Variants in RBFOX1 observed in about 807,000 individuals in gnomAD.
RBFOX1 encodes the protein RNA binding protein fox-1 homolog 1.
A neutral mutation model predicts 57.7 loss-of-function variants in RBFOX1; 8 were observed. The ratio of observed to expected loss-of-function variants is 0.14; its 90% CI spans 0.08 to 0.25. The LOEUF (loss-of-function observed/expected upper bound fraction) is 0.25. Ranked by LOEUF, RBFOX1 falls within the 10% of genes least tolerant of loss-of-function variation. RBFOX1 has a pLI of 1.00. For missense variants in RBFOX1, 611 were observed against 548.5 expected, an observed-to-expected ratio of 1.11 and a Z score of -1.14; for synonymous variants, 326 against 222.4, an observed-to-expected ratio of 1.47 and a Z score of -4.15.
At chr16:6,870,751 C>T (rs2060720810) in intron 3 of RBFOX1, among the ~76,000 whole-genome samples, 1 of 152,146 alleles carries the variant, frequency 6.6e-6, no homozygotes, top group African/African-American at 2.4e-5. Context: ...TCCTCCCCAC[C>T]CCAGCCCCTC....
intron 4 of RBFOX1, among the ~76,000 whole-genome samples, chr16:7,303,764 T>TCG (rs2096092353): frequency 2.5e-5 from 3 of 122,420 alleles, no homozygotes; most frequent in Admixed American, 2.4e-4. Flanking sequence ...CCTCTCGCTC[T>TCG]CTCTCTCTCT....
chr16:6,219,411 A>G (rs1409253763), intron 1 of RBFOX1, among the ~76,000 whole-genome samples: 1 of 152,186 alleles, frequency 6.6e-6, no homozygotes, highest in Non-Finnish European at 1.5e-5. Flanking sequence ...TTGTGCCACG[A>G]CACTCCAGCC....
At chr16:5,625,257 C>A (rs546280727) in intron 3 of RBFOX1, among the ~76,000 whole-genome samples, 1 of 151,900 alleles carries the variant, frequency 6.6e-6, no homozygotes, top group Non-Finnish European at 1.5e-5. Context: ...AGGACCTGGG[C>A]GTGGTAGGGG....
At chr16:7,094,486 T>G (rs958809964) in intron 4 of RBFOX1, among the ~76,000 whole-genome samples, 1 of 152,182 alleles carries the variant, frequency 6.6e-6, no homozygotes, top group African/African-American at 2.4e-5. Flanking sequence ...TTCTGGGGAC[T>G]GGATAGAATA....
intron 4 of RBFOX1, among the ~76,000 whole-genome samples, chr16:7,131,362 TTTAA>T (rs1244725995): frequency 4.5e-5 from 6 of 132,364 alleles, no homozygotes; most frequent in African/African-American, 1.7e-4. Flanking sequence ...TTTTTTTTTT[TTTAA>T]AAAAAAAAAA....
chr16:6,600,029 G>T (rs775541604), intron 2 of RBFOX1, among the ~76,000 whole-genome samples: 1 of 152,144 alleles, frequency 6.6e-6, no homozygotes, highest in South Asian at 2.1e-4. Flanking sequence ...AACTGCAAAG[G>T]GCATCTGGGT....
intron 1 of RBFOX1, among the ~76,000 whole-genome samples, chr16:6,222,478 A>G (rs1391344407): frequency 6.6e-6 from 1 of 151,682 alleles, no homozygotes; most frequent in Non-Finnish European, 1.5e-5. Context: ...TTGCATCATG[A>G]CCATGAGGAG....
chr16:7,709,916 C>G, intron 15 of RBFOX1: 2 of 1,055,774 alleles, frequency 1.9e-6, no homozygotes, highest in South Asian at 3.5e-5. Flanking sequence ...CTGCTTGGAT[C>G]AAGAATATCA....
chr16:6,906,555 C>G (rs1284520920), intron 3 of RBFOX1, among the ~76,000 whole-genome samples: 1 of 151,994 alleles, frequency 6.6e-6, no homozygotes, highest in East Asian at 1.9e-4. Flanking sequence ...TGGTTTTGTT[C>G]TTTGTCAAGT....
intron 4 of RBFOX1, among the ~76,000 whole-genome samples, chr16:7,369,665 G>C (rs946238181): frequency 1.3e-5 from 2 of 152,136 alleles, no homozygotes; most frequent in African/African-American, 4.8e-5. Flanking sequence ...AGTGAGACTA[G>C]TTTATTCCTG....
intron 5 of RBFOX1, among the ~76,000 whole-genome samples, chr16:7,570,470 G>A (rs562896440): frequency 1.3e-5 from 2 of 152,194 alleles, no homozygotes; most frequent in Admixed American, 6.5e-5. Flanking sequence ...TTACTCAACC[G>A]AAACTGGATG....
rs148830759 is a variant in RBFOX1 at position 5,824,074 on chromosome 16, A to T, written c.319-43229A>T. Among the ~76,000 whole-genome samples, 649 of 152,314 alleles carry T rather than the reference A, an allele frequency of 4.3e-3. 2 individuals carry two copies. The highest frequency in any genetic ancestry group is 0.015 in the African/African-American group (617 of 41,578). The stretch of plus-strand genomic sequence containing the variant: ...TCGAATCAAGATATTGTGACTTACT[A>T]GTGAGGGAAACTTTGAGGAGTTGCT... On this transcript the variant is annotated intron_variant, in intron 3 of 19. Transcript: ENST00000641259.
intron 2 of RBFOX1, among the ~76,000 whole-genome samples, chr16:6,596,601 G>C (rs773914713): frequency 2.6e-5 from 4 of 152,162 alleles, no homozygotes; most frequent in Non-Finnish European, 5.9e-5. Flanking sequence ...CAGAACTTCA[G>C]AATAAAAGTC....
intron 3 of RBFOX1, among the ~76,000 whole-genome samples, chr16:5,791,346 C>T (rs747009520): frequency 2.0e-5 from 3 of 152,114 alleles, no homozygotes; most frequent in Non-Finnish European, 4.4e-5. Context: ...TCTTAACAGA[C>T]ATCATTTGTT....
At chr16:5,365,605 G>A (rs1280043415) in intron 1 of RBFOX1, among the ~76,000 whole-genome samples, 2 of 152,188 alleles carry the variant, frequency 1.3e-5, no homozygotes, top group East Asian at 3.9e-4. Flanking sequence ...GGAGGTGGAG[G>A]TTGCAGTGAG....
chr16:6,173,604 C>CTTTTTTTTTTTTTTTTTTTTTT (rs35528338), intron 1 of RBFOX1, among the ~76,000 whole-genome samples: 2 of 70,948 alleles, frequency 2.8e-5, no homozygotes, highest in African/African-American at 5.9e-5. Flanking sequence ...TGACCACTCC[C>CTTTTTTTTTTTTTTTTTTTTTT]TTTTTTTTTT....
chr16:6,595,010 G>A (rs4786894), intron 2 of RBFOX1, among the ~76,000 whole-genome samples: 149,288 of 152,240 alleles, frequency 0.98, 73,283 homozygotes, highest in East Asian at 1. Context: ...GCTGGTCTTG[G>A]TCTTCTGAGC....
At chr16:7,262,566 G>C (rs932996779) in intron 4 of RBFOX1, among the ~76,000 whole-genome samples, 2 of 152,266 alleles carry the variant, frequency 1.3e-5, no homozygotes, top group African/African-American at 4.8e-5. Context: ...GGCACCCATT[G>C]CTCCTCATTC....
chr16:6,572,543 T>C (rs2097359111), intron 2 of RBFOX1, among the ~76,000 whole-genome samples: 1 of 152,120 alleles, frequency 6.6e-6, no homozygotes, highest in Non-Finnish European at 1.5e-5. Context: ...CCAGGCAAGA[T>C]TGCTGAGTCT....
Sources: allele counts gnomAD v4.1 joint callset (sites outside exome capture counted in the v4.1 genomes callset), GRCh38; gene constraint gnomAD v4.1.1; transcripts MANE v1.5; gene names NCBI Gene and HGNC (gene_info 2026-07-23, HGNC 2026-07-21).